Variants in PPP2R5D observed in about 807,000 individuals in gnomAD.
PPP2R5D encodes serine/threonine-protein phosphatase 2A 56 kDa regulatory subunit delta isoform.
In PPP2R5D, 12 loss-of-function variants were observed where a neutral mutation model predicts 79.1. The ratio of observed to expected loss-of-function variants is 0.15; its 90% CI spans 0.10 to 0.25. PPP2R5D has a LOEUF of 0.25. Ranked by LOEUF, PPP2R5D falls within the 10% of genes least tolerant of loss-of-function variation. The probability of loss-of-function intolerance (pLI) is 1.00; values close to 1 mark genes in which losing one functional copy is unlikely to be tolerated. For synonymous variants in PPP2R5D, 277 were observed against 286.6 expected, an observed-to-expected ratio of 0.97 and a Z score of 0.34; for missense variants, 419 against 760.2, an observed-to-expected ratio of 0.55 and a Z score of 5.28.
At chr6:42,996,250 G>A (rs1771675982) in intron 2 of PPP2R5D, among the ~76,000 whole-genome samples, 2 of 150,154 alleles carry the variant, frequency 1.3e-5, no homozygotes, top group South Asian at 4.2e-4. Context: ...GGATCACGAG[G>A]TCAGGAGATT....
At chr6:43,001,860 C>A (rs929268678) in intron 2 of PPP2R5D, among the ~76,000 whole-genome samples, 5 of 146,832 alleles carry the variant, frequency 3.4e-5, no homozygotes, top group African/African-American at 7.7e-5. Flanking sequence ...GCACTCCAGC[C>A]GGGTGACAGA....
chr6:42,996,077 C>T (rs1207181597), intron 2 of PPP2R5D, among the ~76,000 whole-genome samples: 2 of 144,764 alleles, frequency 1.4e-5, no homozygotes, highest in South Asian at 2.2e-4. Flanking sequence ...ATCACTTGAC[C>T]TCGTGATCCG....
chr6:43,003,924 C>T (rs540098014), intron 2 of PPP2R5D, among the ~76,000 whole-genome samples: 17 of 150,236 alleles, frequency 1.1e-4, no homozygotes, highest in Non-Finnish European at 2.2e-4. Flanking sequence ...TTAGTAGAGA[C>T]GGGGTGGATG....
At position 42,993,314 on chromosome 6, in the gene PPP2R5D, A is replaced by T. The variant is rs187554123; in HGVS notation, c.105+3626A>T. Among the ~76,000 whole-genome samples, 981 of 150,402 alleles carry T rather than the reference A, an allele frequency of 6.5e-3. 8 individuals carry two copies. Among genetic ancestry groups the T allele is most frequent in the African/African-American group, 0.022 (909 of 40,854 alleles). ...CTCCGTCTCAAAAAAAAAAAAAAATACAAAAATTAGCCGGGCGTAGTGGTG... is the reference window on the plus strand; with the variant it reads ...CTCCGTCTCAAAAAAAAAAAAAAATTCAAAAATTAGCCGGGCGTAGTGGTG... On this transcript the variant is annotated intron_variant, in intron 2 of 15. Transcript: ENST00000485511.
chr6:42,995,739 T>G (rs530152538), intron 2 of PPP2R5D, among the ~76,000 whole-genome samples: 184 of 148,460 alleles, frequency 1.2e-3, no homozygotes, highest in Admixed American at 3.5e-3. Flanking sequence ...TTTTTTTTTT[T>G]GGGTCTCACT....
At chr6:42,984,817 C>T in intron 1 of PPP2R5D, 113 bp downstream of exon 1, 1 of 1,498,494 alleles carries the variant, frequency 6.7e-7, no homozygotes, top group South Asian at 1.3e-5. Flanking sequence ...CCAGCCCCCG[C>T]AGGACTCCTG....
chr6:42,998,837 CCA>C (rs1771976335), intron 2 of PPP2R5D, among the ~76,000 whole-genome samples: 5 of 152,206 alleles, frequency 3.3e-5, no homozygotes, highest in South Asian at 2.1e-4. Flanking sequence ...GAGTTCGAGA[CCA>C]GCCTGGCCAA....
intron 2 of PPP2R5D, among the ~76,000 whole-genome samples, chr6:43,001,132 T>C (rs1221108101): frequency 6.6e-6 from 1 of 152,194 alleles, no homozygotes; most frequent in Non-Finnish European, 1.5e-5. Flanking sequence ...TGCAGTGATT[T>C]CCTAGGTTCC....
chr6:42,996,638 C>A (rs911025955), intron 2 of PPP2R5D, among the ~76,000 whole-genome samples: 1 of 152,196 alleles, frequency 6.6e-6, no homozygotes, highest in African/African-American at 2.4e-5. Context: ...GTCTGTCCTG[C>A]CTAGTGGACT....
intron 2 of PPP2R5D, among the ~76,000 whole-genome samples, chr6:42,997,778 T>A (rs1213986844): frequency 6.6e-6 from 1 of 151,322 alleles, no homozygotes; most frequent in Non-Finnish European, 1.5e-5. Context: ...ACTCCTGACC[T>A]CAGGCGATCC....
At chr6:42,992,965 A>G (rs1426382954) in intron 2 of PPP2R5D, among the ~76,000 whole-genome samples, 1 of 152,020 alleles carries the variant, frequency 6.6e-6, no homozygotes, top group Non-Finnish European at 1.5e-5. Context: ...GTTTGAGAGC[A>G]GCGTGGCCAA....
chr6:43,005,984 A>G (rs1201376157), intron 2 of PPP2R5D, among the ~76,000 whole-genome samples: 1 of 152,186 alleles, frequency 6.6e-6, no homozygotes, highest in Non-Finnish European at 1.5e-5. Context: ...GTACTGCTCA[A>G]TAAATTTTAG....
chr6:42,995,818 G>A (rs1381767353), intron 2 of PPP2R5D, among the ~76,000 whole-genome samples: 1 of 150,624 alleles, frequency 6.6e-6, no homozygotes, highest in African/African-American at 2.4e-5. Flanking sequence ...TGGGCTCAAG[G>A]GATCTTTTCC....
intron 2 of PPP2R5D, among the ~76,000 whole-genome samples, chr6:42,991,280 A>T (rs1771247272): frequency 6.6e-6 from 1 of 152,218 alleles, no homozygotes; most frequent in Non-Finnish European, 1.5e-5. Flanking sequence ...TGGTAACTTG[A>T]CATTTAGAGC....
Position 43,007,156 on chromosome 6 carries a change from G to A in PPP2R5D, c.523-40G>A. ...CAGGGGGGACTGGTGAGGGGCTCTG[G>A]AGAAGCCCAGGTGGAGCTCTAACTG... On this transcript the variant is annotated intron_variant, in intron 4 of 15. Coordinates refer to ENST00000485511, the MANE Select transcript of PPP2R5D (RefSeq NM_006245.4). The surrounding 1 kb of genome is among the most constrained non-coding windows in gnomAD (Gnocchi z 4.5). The A allele has an allele frequency of 1.2e-6, 2 of 1,613,926 alleles. No individual in the cohort carries two copies.
intron 2 of PPP2R5D, among the ~76,000 whole-genome samples, chr6:43,003,606 C>G (rs1356604123): frequency 1.3e-5 from 2 of 152,152 alleles, no homozygotes; most frequent in African/African-American, 4.8e-5. Context: ...GTCATTAACA[C>G]AGTGGTGGAC....
At position 43,006,785 on chromosome 6, in the gene PPP2R5D, A is replaced by AATGCGG; in HGVS notation, c.322+107_322+112dup. ...TTTTGCGGGGAAGGGAGTTCCAGAG[A>AATGCGG]ATGCGGGAAGGGGGTGCCAGGGAGC... On this transcript the variant is annotated intron_variant, in intron 3 of 15. Transcript: ENST00000485511. The surrounding 1 kb of genome is among the most constrained non-coding windows in gnomAD (Gnocchi z 4.7). 1.5e-5 allele frequency: 24 copies of AATGCGG among 1,573,008 alleles called. No homozygotes were observed. Among genetic ancestry groups the AATGCGG allele is most frequent in the Non-Finnish European group, 2.1e-5 (24 of 1,154,742 alleles).
chr6:43,003,892 G>A (rs754868547), intron 2 of PPP2R5D, among the ~76,000 whole-genome samples: 12 of 151,358 alleles, frequency 7.9e-5, no homozygotes, highest in Non-Finnish European at 1.8e-4. Context: ...CCACCACCAC[G>A]CCCGACTAAT....
Position 42,984,715 on chromosome 6 carries a change from C to G in PPP2R5D, c.27+11C>G. ...CTGAAAAAGGAGAAGGTGAGCGTGGCCCTTTTTCCCCCACCGCCGCCTTGG... is the reference window on the plus strand; with the variant it reads ...CTGAAAAAGGAGAAGGTGAGCGTGGGCCTTTTTCCCCCACCGCCGCCTTGG... On this transcript the variant is annotated intron_variant, in intron 1 of 15. Transcript: ENST00000485511. The G allele has an allele frequency of 6.2e-7, 1 of 1,612,070 alleles. No homozygotes were observed. Among genetic ancestry groups the G allele is most frequent in the East Asian group, 2.2e-5 (1 of 44,748 alleles).
Sources: allele counts gnomAD v4.1 joint callset (sites outside exome capture counted in the v4.1 genomes callset), GRCh38; gene constraint gnomAD v4.1.1; non-coding constraint Gnocchi (gnomAD v3.1); transcripts MANE v1.5; gene names NCBI Gene and HGNC (gene_info 2026-07-23, HGNC 2026-07-21).